Variants in IL1RAPL2 observed in about 807,000 individuals in gnomAD.
The protein encoded by IL1RAPL2 is interleukin 1 receptor accessory protein like 2.
In IL1RAPL2, 3 loss-of-function variants were observed where a neutral mutation model predicts 44.1. The ratio of observed to expected loss-of-function variants is 0.07; its 90% CI spans 0.03 to 0.18. IL1RAPL2 has a LOEUF of 0.18. IL1RAPL2 is among the 10% of genes least tolerant of loss of function. IL1RAPL2 has a pLI of 1.00. For missense variants in IL1RAPL2, 391 were observed against 496.4 expected (o/e 0.79, Z 2.02); for synonymous variants, 181 against 178.8 (o/e 1.01, Z -0.10).
intron 2 of IL1RAPL2, among the ~76,000 whole-genome samples, chrX:105,067,227 C>A (rs906998632): frequency 9.0e-6 from 1 of 111,062 alleles, no homozygotes; most frequent in Non-Finnish European, 1.9e-5. Flanking sequence ...CGCGCACACA[C>A]ACATACACAC....
chrX:104,986,720 T>G (rs1184090252), intron 2 of IL1RAPL2, among the ~76,000 whole-genome samples: 1 of 112,453 alleles, frequency 8.9e-6, no homozygotes, highest in Non-Finnish European at 1.9e-5. Context: ...GGCATTTAGA[T>G]AGAATTGCCA....
intron 2 of IL1RAPL2, among the ~76,000 whole-genome samples, chrX:104,762,723 T>A (rs1978886164): frequency 8.9e-6 from 1 of 112,341 alleles, no homozygotes; most frequent in Admixed American, 9.3e-5. Context: ...TCCCAAACCC[T>A]TCCTGATTTC....
intron 3 of IL1RAPL2, among the ~76,000 whole-genome samples, chrX:105,213,103 G>T (rs782807266): frequency 1.8e-5 from 2 of 110,649 alleles, no homozygotes; most frequent in South Asian, 7.8e-4. Flanking sequence ...TCCAGCAAGG[G>T]CACAAAACTG....
chrX:104,567,730 C>T (rs1928066501), intron 1 of IL1RAPL2, among the ~76,000 whole-genome samples: 1 of 112,442 alleles, frequency 8.9e-6, no homozygotes, highest in Non-Finnish European at 1.9e-5. Context: ...GCGCTTCAGA[C>T]TCCTTGTGAA....
chrX:105,640,745 TAGATATA>T (rs1312926110), intron 6 of IL1RAPL2, among the ~76,000 whole-genome samples: 450 of 5,773 alleles, frequency 0.078, 7 homozygotes, highest in African/African-American at 0.22. Flanking sequence ...TAGATATAGA[TAGATATA>T]GATATAGATA....
intron 6 of IL1RAPL2, among the ~76,000 whole-genome samples, chrX:105,562,512 A>AACACACAC (rs55720100): frequency 0.019 from 1,718 of 91,555 alleles, 15 homozygotes; most frequent in Non-Finnish European, 0.023. Context: ...ATTGAAAATA[A>AACACACAC]ACACACACAC....
At chrX:105,540,581 T>G (rs1373693299) in intron 6 of IL1RAPL2, among the ~76,000 whole-genome samples, 19 of 108,061 alleles carry the variant, frequency 1.8e-4, no homozygotes, top group Non-Finnish European at 3.4e-4. Context: ...TGACTTTGAT[T>G]ATCATTTTAT....
chrX:105,415,368 A>G (rs1223927030), intron 5 of IL1RAPL2, among the ~76,000 whole-genome samples: 4 of 111,370 alleles, frequency 3.6e-5, no homozygotes, highest in Admixed American at 1.9e-4. Context: ...ATATAATAGG[A>G]AGTCAGACTG....
At chrX:105,001,305 T>C (rs1928286365) in intron 2 of IL1RAPL2, among the ~76,000 whole-genome samples, 1 of 111,289 alleles carries the variant, frequency 9.0e-6, no homozygotes, top group African/African-American at 3.3e-5. Context: ...TCTGCTATGA[T>C]TTGCACAGAA....
At chrX:105,016,084 G>T (rs2031169518) in intron 2 of IL1RAPL2, among the ~76,000 whole-genome samples, 1 of 111,220 alleles carries the variant, frequency 9.0e-6, no homozygotes, top group Non-Finnish European at 1.9e-5. Context: ...AATTGTGAAT[G>T]GGAGTTCACT....
chrX:104,770,903 T>C (rs895766222), intron 2 of IL1RAPL2, among the ~76,000 whole-genome samples: 1 of 111,543 alleles, frequency 9.0e-6, no homozygotes, highest in Non-Finnish European at 1.9e-5. Flanking sequence ...ACCTTCCACC[T>C]TCCAATAGGC....
At chrX:104,596,687 G>T (rs1410019506) in intron 1 of IL1RAPL2, among the ~76,000 whole-genome samples, 2 of 111,484 alleles carry the variant, frequency 1.8e-5, no homozygotes, top group Non-Finnish European at 3.8e-5. Flanking sequence ...TCTTGTTATT[G>T]TCCCCTTCTC....
chrX:104,610,729 A>T (rs1245478421), intron 1 of IL1RAPL2, among the ~76,000 whole-genome samples: 1 of 111,937 alleles, frequency 8.9e-6, no homozygotes, highest in Non-Finnish European at 1.9e-5. Flanking sequence ...ATTCAATGCG[A>T]TCCCCATCAA....
chrX:104,714,019 A>G (rs970075557), intron 2 of IL1RAPL2, among the ~76,000 whole-genome samples: 12 of 110,982 alleles, frequency 1.1e-4, no homozygotes, highest in African/African-American at 3.9e-4. Flanking sequence ...GAAAATTTTG[A>G]GACTATGGGG....
intron 2 of IL1RAPL2, among the ~76,000 whole-genome samples, chrX:104,672,655 G>C (rs12860000): frequency 0.34 from 33,227 of 97,628 alleles, 5,388 homozygotes; most frequent in Non-Finnish European, 0.41. Context: ...AGTTCTAGAT[G>C]CCTGAGGAAT....
At chrX:105,171,102 G>A (rs1239105491) in intron 2 of IL1RAPL2, among the ~76,000 whole-genome samples, 1 of 111,827 alleles carries the variant, frequency 8.9e-6, no homozygotes, top group Non-Finnish European at 1.9e-5. Context: ...AGGAGTCTAA[G>A]ACCCTCTATG....
chrX:105,070,885 C>T (rs2032199132), intron 2 of IL1RAPL2, among the ~76,000 whole-genome samples: 1 of 109,921 alleles, frequency 9.1e-6, no homozygotes, highest in Admixed American at 9.8e-5. Flanking sequence ...CACATGTATA[C>T]ATAAATATAT....
At chrX:105,637,426 A>C (rs1370251730) in intron 6 of IL1RAPL2, among the ~76,000 whole-genome samples, 1 of 111,157 alleles carries the variant, frequency 9.0e-6, no homozygotes, top group African/African-American at 3.3e-5. Flanking sequence ...CATCTGGAAT[A>C]GTCACTCTAG....
At chrX:105,474,250 A>G (rs954118912) in intron 5 of IL1RAPL2, among the ~76,000 whole-genome samples, 2 of 111,727 alleles carry the variant, frequency 1.8e-5, no homozygotes, top group African/African-American at 6.5e-5. Context: ...GAATGCAGAC[A>G]GACTCTAGAA....
Sources: gnomAD v4.1 joint callset for allele counts (sites outside exome capture counted in the v4.1 genomes callset) on GRCh38, gnomAD v4.1.1 for gene constraint, MANE v1.5 for transcripts, NCBI Gene and HGNC (gene_info 2026-07-23, HGNC 2026-07-21) for gene names.